Variants in ADARB2 observed in about 807,000 individuals in gnomAD.
The protein encoded by ADARB2 is adenosine deaminase RNA specific B2 (inactive), also known as inactive double-stranded RNA-specific editase B2.
In ADARB2, 25 loss-of-function variants were observed where a neutral mutation model predicts 62.2. That is an observed-to-expected ratio of 0.40 (90% confidence interval 0.29 to 0.56). The LOEUF (loss-of-function observed/expected upper bound fraction) is 0.56. Ranked by LOEUF, ADARB2 falls within the 20% of genes least tolerant of loss-of-function variation. The pLI is 0.43. For synonymous variants in ADARB2, 572 were observed against 500.8 expected, an observed-to-expected ratio of 1.14 and a Z score of -1.90; for missense variants, 1,071 against 1,077.4, an observed-to-expected ratio of 0.99 and a Z score of 0.08.
intron 1 of ADARB2, among the ~76,000 whole-genome samples, chr10:1,629,773 A>G (rs937368755): frequency 1.3e-5 from 2 of 151,960 alleles, no homozygotes; most frequent in Non-Finnish European, 2.9e-5. Flanking sequence ...TTTGCCTGTG[A>G]CCCTTGTGTG....
At chr10:1,556,010 C>T (rs2131982139) in intron 1 of ADARB2, among the ~76,000 whole-genome samples, 1 of 152,324 alleles carries the variant, frequency 6.6e-6, no homozygotes, top group South Asian at 2.1e-4. Flanking sequence ...AACATTTGAA[C>T]ATAAGAAATT....
At chr10:1,685,262 GAGAA>G (rs1485593529) in intron 1 of ADARB2, among the ~76,000 whole-genome samples, 22 of 152,176 alleles carry the variant, frequency 1.4e-4, no homozygotes, top group Admixed American at 1.4e-3. Context: ...GATAGAGACA[GAGAA>G]AGAAGGACAG....
intron 1 of ADARB2, among the ~76,000 whole-genome samples, chr10:1,601,986 C>A (rs1833420723): frequency 2.0e-5 from 2 of 101,382 alleles, no homozygotes; most frequent in African/African-American, 7.6e-5. Flanking sequence ...ACAGCAAGTT[C>A]TCCCTCAGAG....
rs180693401 is a variant in ADARB2, at chr10:1,573,284, G to A, written c.100+163767C>T. Among the ~76,000 whole-genome samples, 1,214 of 152,264 alleles carry A rather than the reference G, an allele frequency of 8.0e-3. 11 individuals are homozygous for A. The highest frequency in any genetic ancestry group is 0.012 in the Non-Finnish European group (803 of 68,016). On this transcript the variant is annotated intron_variant, in intron 1 of 9. Transcript: ENST00000381312. ...GACAGCTTGGATGAGCCCCGGTGGG[G>A]CTGTCACCGGCACTCAACTGTGCTC...
At chr10:1,650,186 A>AAGTG (rs1319243513) in intron 1 of ADARB2, among the ~76,000 whole-genome samples, 1 of 152,230 alleles carries the variant, frequency 6.6e-6, no homozygotes, top group East Asian at 1.9e-4. Context: ...AGCATAGATT[A>AAGTG]AGTGGCAGCT....
intron 1 of ADARB2, among the ~76,000 whole-genome samples, chr10:1,475,036 C>A (rs1342201538): frequency 1.3e-5 from 2 of 152,102 alleles, no homozygotes; most frequent in African/African-American, 4.8e-5. Flanking sequence ...CCACGGGGAC[C>A]CCCACGGGCC....
chr10:1,306,813 C>G (rs375831629), intron 3 of ADARB2, among the ~76,000 whole-genome samples: 9 of 151,512 alleles, frequency 5.9e-5, no homozygotes, highest in South Asian at 4.3e-4. Context: ...ACAAACCTGA[C>G]AAAAACAGGC....
chr10:1,536,968 G>A (rs778438866), intron 1 of ADARB2, among the ~76,000 whole-genome samples: 17 of 152,222 alleles, frequency 1.1e-4, no homozygotes, highest in Non-Finnish European at 2.1e-4. Context: ...AAATGGGATT[G>A]AATTAAACTA....
At chr10:1,718,557 T>G (rs1045656942) in intron 1 of ADARB2, among the ~76,000 whole-genome samples, 3 of 152,220 alleles carry the variant, frequency 2.0e-5, no homozygotes, top group Non-Finnish European at 4.4e-5. Context: ...CTGTACCTCC[T>G]GCCCCGCCTC....
intron 1 of ADARB2, among the ~76,000 whole-genome samples, chr10:1,440,435 T>C (rs1830892021): frequency 6.6e-6 from 1 of 151,406 alleles, no homozygotes; most frequent in African/African-American, 2.4e-5. Flanking sequence ...TTTTTTTTTT[T>C]TCTTACCATC....
At chr10:1,474,022 G>A (rs377052630) in intron 1 of ADARB2, among the ~76,000 whole-genome samples, 67 of 6,958 alleles carry the variant, frequency 9.6e-3, no homozygotes, top group South Asian at 0.035. Flanking sequence ...TTGACAGGGG[G>A]CTGGGTAGTT....
At chr10:1,338,079 C>T (rs951108216) in intron 3 of ADARB2, among the ~76,000 whole-genome samples, 4 of 152,212 alleles carry the variant, frequency 2.6e-5, no homozygotes, top group Non-Finnish European at 5.9e-5. Context: ...ATCTATTTTA[C>T]ATGAGAAACA....
At chr10:1,324,506 T>G (rs2651489) in intron 3 of ADARB2, among the ~76,000 whole-genome samples, 2 of 152,040 alleles carry the variant, frequency 1.3e-5, no homozygotes, top group Non-Finnish European at 2.9e-5. Flanking sequence ...CACAGGTTAA[T>G]GCTTAGACGA....
intron 1 of ADARB2, among the ~76,000 whole-genome samples, chr10:1,635,318 G>C (rs1833906005): frequency 1.3e-5 from 2 of 152,150 alleles, no homozygotes; most frequent in Admixed American, 6.5e-5. Flanking sequence ...CAAAGTGCTG[G>C]GCCTGGAGTG....
intron 1 of ADARB2, among the ~76,000 whole-genome samples, chr10:1,660,965 C>T (rs913537148): frequency 2.6e-5 from 4 of 152,078 alleles, no homozygotes; most frequent in African/African-American, 4.8e-5. Flanking sequence ...GAGATAAACC[C>T]CCCCTCTGAC....
At chr10:1,418,679 T>C (rs1588251476) in intron 1 of ADARB2, among the ~76,000 whole-genome samples, 1 of 152,334 alleles carries the variant, frequency 6.6e-6, no homozygotes, top group South Asian at 2.1e-4. Flanking sequence ...CGTATTATTA[T>C]GTGACTATCC....
At chr10:1,327,960 C>CAGCT (rs1255862930) in intron 3 of ADARB2, among the ~76,000 whole-genome samples, 1 of 144,454 alleles carries the variant, frequency 6.9e-6, no homozygotes, top group African/African-American at 2.6e-5. Context: ...CAGTGTCTCA[C>CAGCT]CAGTACTCAG....
At chr10:1,696,201 G>A (rs1052782891) in intron 1 of ADARB2, among the ~76,000 whole-genome samples, 7 of 151,374 alleles carry the variant, frequency 4.6e-5, no homozygotes, top group Admixed American at 1.3e-4. Context: ...TATGTGTCAC[G>A]TTTATATGCC....
intron 8 of ADARB2, among the ~76,000 whole-genome samples, chr10:1,190,246 G>A (rs61178403): frequency 0.037 from 5,653 of 152,134 alleles, 285 homozygotes; most frequent in African/African-American, 0.1. Flanking sequence ...ACACGTACAC[G>A]TGCTTGCACA....
Sources: gnomAD v4.1 joint callset for allele counts (sites outside exome capture counted in the v4.1 genomes callset) on GRCh38, gnomAD v4.1.1 for gene constraint, MANE v1.5 for transcripts, NCBI Gene and HGNC (gene_info 2026-07-23, HGNC 2026-07-21) for gene names.